KBTBD3: variants seen among roughly 807,000 people sequenced by gnomAD.
The protein encoded by KBTBD3 is kelch repeat and BTB domain-containing protein 3.
KBTBD3 carries 38 observed loss-of-function variants against 49.6 expected under a neutral mutation model. The ratio of observed to expected loss-of-function variants is 0.77; its 90% CI spans 0.59 to 1.00. KBTBD3 has a LOEUF of 1.00. KBTBD3 is among the 50% of genes least tolerant of loss of function. The pLI is 0.00. For synonymous variants in KBTBD3, 214 were observed against 250.4 expected, an observed-to-expected ratio of 0.85 and a Z score of 1.37; for missense variants, 661 against 712.0, an observed-to-expected ratio of 0.93 and a Z score of 0.81.
intron 2 of KBTBD3, among the ~76,000 whole-genome samples, chr11:106,068,000 T>G (rs1319659532): frequency 6.8e-6 from 1 of 146,984 alleles, no homozygotes; most frequent in African/African-American, 2.5e-5. Flanking sequence ...TAAAGTAGAC[T>G]TGAGGAAGGG....
intron 2 of KBTBD3, among the ~76,000 whole-genome samples, chr11:106,074,121 C>G (rs78179415): frequency 1.0e-4 from 15 of 148,730 alleles, no homozygotes; most frequent in African/African-American, 3.7e-4. Flanking sequence ...CACCCCCCCC[C>G]ACACACATAC....
At chr11:106,069,227 T>G (rs935107432) in intron 2 of KBTBD3, among the ~76,000 whole-genome samples, 1 of 152,120 alleles carries the variant, frequency 6.6e-6, no homozygotes. Context: ...TCCAAGTGCA[T>G]GTAAGCTCTA....
intron 2 of KBTBD3, among the ~76,000 whole-genome samples, chr11:106,060,064 G>T (rs1427033441): frequency 3.3e-5 from 5 of 152,046 alleles, no homozygotes; most frequent in Non-Finnish European, 7.4e-5. Flanking sequence ...GGTCTGACTG[G>T]GTTACATGTC....
chr11:106,068,464 A>G (rs1265444249), intron 2 of KBTBD3, among the ~76,000 whole-genome samples: 2 of 152,208 alleles, frequency 1.3e-5, no homozygotes, highest in African/African-American at 2.4e-5. Flanking sequence ...CTAAAATACA[A>G]TATATCAAAA....
chr11:106,053,586 T>C lies in KBTBD3; in HGVS notation c.1103A>G (p.Asp368Gly). ...VRLHIAESYH[D>G]ATDQTWCYCP... Reference sequence around the variant, plus strand: ...GTAGCACCAGGTTTGATCAGTGGCATCATGATATGACTCGGCAATATGCAG... The same window carrying C: ...GTAGCACCAGGTTTGATCAGTGGCACCATGATATGACTCGGCAATATGCAG... The change falls in exon 4 of 4, where the codon GAT becomes GGT. Residue 368 changes from aspartate to glycine, a missense_variant. By Grantham distance (94) the Asp-to-Gly change is moderately conservative. Coordinates refer to ENST00000531837, the MANE Select transcript of KBTBD3 (RefSeq NM_198439.3). 1 of 1,613,880 alleles carries C rather than the reference T, an allele frequency of 6.2e-7. No individual in the cohort carries two copies. Among genetic ancestry groups the C allele is most frequent in the Non-Finnish European group, 8.5e-7 (1 of 1,179,888 alleles).
Position 106,053,908 on chromosome 11 carries a change from A to G in KBTBD3, c.781T>C (p.Leu261=). 1.2e-6 allele frequency: 2 copies of G among 1,613,978 alleles called. No individual in the cohort carries two copies. Among genetic ancestry groups the G allele is most frequent in the Middle Eastern group, 1.7e-4 (1 of 6,060 alleles). Reference sequence around the variant, plus strand: ...TCAAAACAGTTTGTGCTTTTGAGTAAACTCTCTTCATTGAACAGACAGTCC... The same window carrying G: ...TCAAAACAGTTTGTGCTTTTGAGTAGACTCTCTTCATTGAACAGACAGTCC... ...LQDCLFNEES[L]LKSTNCFDII... Residue 261 remains leucine, a synonymous_variant, in exon 4 of 4, where the codon TTA becomes CTA. Coordinates refer to ENST00000531837, the MANE Select transcript of KBTBD3 (RefSeq NM_198439.3).
intron 3 of KBTBD3, 121 bp from the exon 4 acceptor site, chr11:106,054,576 A>G: frequency 1.9e-6 from 1 of 527,886 alleles, no homozygotes; most frequent in Non-Finnish European, 2.9e-6. Flanking sequence ...GCATATTTTA[A>G]TTGCCTCCTA....
At chr11:106,071,224 A>G (rs1299043262) in intron 2 of KBTBD3, among the ~76,000 whole-genome samples, 1 of 152,174 alleles carries the variant, frequency 6.6e-6, no homozygotes, top group Admixed American at 6.5e-5. Flanking sequence ...GTATTGTAAA[A>G]TAAGTCGGAA....
intron 2 of KBTBD3, 41 bp downstream of exon 2, chr11:106,076,466 T>C (rs1489246861): frequency 2.0e-5 from 3 of 152,150 alleles, no homozygotes; most frequent in Non-Finnish European, 4.4e-5. Context: ...CCATCTTAAA[T>C]AGGACAGAAA....
intron 2 of KBTBD3, among the ~76,000 whole-genome samples, chr11:106,074,114 C>G (rs973541572): frequency 1.2e-5 from 1 of 82,676 alleles, no homozygotes; most frequent in Non-Finnish European, 3.9e-5. Flanking sequence ...TGCCGAACAC[C>G]CCCCCCCACA....
intron 2 of KBTBD3, among the ~76,000 whole-genome samples, chr11:106,074,362 A>G (rs1280495658): frequency 6.6e-6 from 1 of 152,152 alleles, no homozygotes; most frequent in African/African-American, 2.4e-5. Flanking sequence ...ACCCACTACA[A>G]TAAAATTCCT....
chr11:106,073,056 T>A (rs1410112529), intron 2 of KBTBD3, among the ~76,000 whole-genome samples: 2 of 152,128 alleles, frequency 1.3e-5, no homozygotes, highest in Non-Finnish European at 2.9e-5. Flanking sequence ...CAGGGAACAC[T>A]TATACAGTGC....
chr11:106,065,096 G>T (rs2135013392), intron 2 of KBTBD3, among the ~76,000 whole-genome samples: 1 of 152,332 alleles, frequency 6.6e-6, no homozygotes, highest in East Asian at 1.9e-4. Context: ...CTATCCAGTA[G>T]GGGAGACATG....
At chr11:106,071,809 A>G (rs1462230396) in intron 2 of KBTBD3, among the ~76,000 whole-genome samples, 1 of 152,162 alleles carries the variant, frequency 6.6e-6, no homozygotes, top group Non-Finnish European at 1.5e-5. Flanking sequence ...TGCAAAGTGG[A>G]CACACCTATG....
chr11:106,053,609 C>T lies in KBTBD3; in HGVS notation c.1080G>A (p.Leu360=), dbSNP rs780550555. ...CATCATGATATGACTCGGCAATATGCAGTCGAACCGTTCGACAACATTTCC... is the reference window on the plus strand; with the variant it reads ...CATCATGATATGACTCGGCAATATGTAGTCGAACCGTTCGACAACATTTCC... ...CKGKCCRTVR[L]HIAESYHDAT... Residue 360 remains leucine, a synonymous_variant, in exon 4 of 4, where the codon CTG becomes CTA. Transcript: ENST00000531837. 2 of 1,613,890 alleles carry T rather than the reference C, an allele frequency of 1.2e-6. No homozygotes were observed. The highest frequency in any genetic ancestry group is 2.2e-5 in the South Asian group (2 of 91,078).
chr11:106,059,269 T>G (rs1391804788), intron 2 of KBTBD3, among the ~76,000 whole-genome samples, 160 bp from the exon 3 acceptor site: 2 of 152,212 alleles, frequency 1.3e-5, no homozygotes, highest in East Asian at 3.8e-4. Context: ...CATTTAATAT[T>G]AAATTCCTTT....
In KBTBD3 at chr11:106,053,590, G is replaced by T. The variant is rs1191800025; in HGVS notation, c.1099C>A (p.His367Asn). ...CACCAGGTTTGATCAGTGGCATCAT[G>T]ATATGACTCGGCAATATGCAGTCGA... Reference protein sequence around the residue: ...TVRLHIAESYHDATDQTWCYC... With the variant: ...TVRLHIAESYNDATDQTWCYC... Residue 367 changes from histidine (H) to asparagine (N), a missense_variant, in exon 4 of 4, where the codon CAT (histidine) becomes AAT (asparagine). His to Asn is a moderately conservative substitution (Grantham distance 68, BLOSUM62 1). Transcript: ENST00000531837. 6.2e-7 allele frequency: 1 copy of T among 1,613,716 alleles called. No homozygotes were observed. The highest frequency in any genetic ancestry group is 2.2e-5 in the East Asian group (1 of 44,876).
chr11:106,054,777 ATTTC>A (rs1860518932), intron 3 of KBTBD3, among the ~76,000 whole-genome samples: 1 of 151,938 alleles, frequency 6.6e-6, no homozygotes, highest in East Asian at 1.9e-4. Context: ...TGATGGCCAA[ATTTC>A]TTTATTTATG....
chr11:106,058,703 C>T, intron 3 of KBTBD3, 162 bp downstream of exon 3: 3 of 571,104 alleles, frequency 5.3e-6, no homozygotes, highest in Non-Finnish European at 9.0e-6. Flanking sequence ...GGATTACAGG[C>T]GTGAGCCACC....
Sources: gnomAD v4.1 joint callset for allele counts (sites outside exome capture counted in the v4.1 genomes callset) on GRCh38, gnomAD v4.1.1 for gene constraint, MANE v1.5 for transcripts, NCBI Gene and HGNC (gene_info 2026-07-23, HGNC 2026-07-21) for gene names.